Variants in LZTFL1 observed in about 807,000 individuals in gnomAD.
The protein encoded by LZTFL1 is leucine zipper transcription factor-like protein 1.
Under a neutral mutation model 45.9 loss-of-function variants are expected in LZTFL1, and 25 were observed. The ratio of observed to expected loss-of-function variants is 0.54; its 90% CI spans 0.40 to 0.76. LZTFL1 has a LOEUF of 0.76. Ranked by LOEUF, LZTFL1 falls within the 30% of genes least tolerant of loss-of-function variation. The pLI is 0.00. For synonymous variants in LZTFL1, 93 were observed against 117.4 expected (o/e 0.79, Z 1.35); for missense variants, 277 against 331.1 (o/e 0.84, Z 1.27).
chr3:45,898,184 C>G (rs914221491), intron 2 of LZTFL1, among the ~76,000 whole-genome samples: 6 of 152,144 alleles, frequency 3.9e-5, no homozygotes, highest in Non-Finnish European at 8.8e-5. Context: ...TCTCCATGCT[C>G]TTCACAGTCT....
At chr3:45,912,678 A>C (rs915631968) in intron 2 of LZTFL1, among the ~76,000 whole-genome samples, 5 of 152,318 alleles carry the variant, frequency 3.3e-5, no homozygotes, top group Middle Eastern at 3.4e-3. Flanking sequence ...TGTAGGAGTC[A>C]ACCCCAGCCA....
In LZTFL1 at chr3:45,866,715, A is replaced by G. The variant is rs1046210403; in HGVS notation, c.-214-7699T>C. On this transcript the variant is annotated intron_variant, in intron 2 of 4. Coordinates refer to the LZTFL1 transcript ENST00000472635. ...AGACTTGGGTTGTTTAGAGTCTTTC[A>G]ATATAACCAATAGTGCTGTAATATT... Among the ~76,000 whole-genome samples, 14 of 152,350 alleles carry G rather than the reference A, an allele frequency of 9.2e-5. No homozygotes were observed. The East Asian group carries it at 2.3e-3, about 25-fold the overall frequency.
intron 4 of LZTFL1, among the ~76,000 whole-genome samples, chr3:45,849,908 G>T (rs1299284124): frequency 1.3e-5 from 2 of 152,134 alleles, no homozygotes; most frequent in South Asian, 2.1e-4. Flanking sequence ...GAAAAAATTT[G>T]CATTTTAAGA....
chr3:45,833,105 G>A lies in LZTFL1; in HGVS notation c.401C>T (p.Thr134Ile), dbSNP rs1177169861. The change falls in exon 5 of 10, where the codon ACA becomes ATA. Residue 134 changes from threonine to isoleucine, a missense_variant. Transcript: ENST00000296135. ...SSNKKPILDV[T>I]KPKLAPLNEG... ...ATTAAGTGGAGCAAGTTTTGGCTTT[G>A]TGACATCTAAGATGGGCTGAAACAA... is the stretch of plus-strand genomic sequence containing the variant. 2.2e-5 allele frequency: 35 copies of A among 1,613,142 alleles called. No individual in the cohort carries two copies. The highest frequency in any genetic ancestry group is 2.9e-5 in the Non-Finnish European group (34 of 1,179,294).
At chr3:45,855,195 A>C (rs1268990057) in intron 3 of LZTFL1, 6 of 589,026 alleles carry the variant, frequency 1.0e-5, no homozygotes. Context: ...CCAGCAGCAC[A>C]TCAAAAAGCT....
chr3:45,858,132 G>T (rs1028635006), intron 3 of LZTFL1, among the ~76,000 whole-genome samples: 2 of 152,100 alleles, frequency 1.3e-5, no homozygotes, highest in African/African-American at 4.8e-5. Context: ...GGAAAATCCT[G>T]TCTATATCCA....
rs374799458 is a variant in LZTFL1, at chr3:45,889,159, AT to A, written c.-215+23960del. On this transcript the variant is annotated intron_variant, in intron 2 of 4. Coordinates refer to the LZTFL1 transcript ENST00000472635. ...GCAACCATGCCTGGCATATTTTTAA[AT>A]TTTTTGTAGAGATGGGGTCTTGCTC... is the stretch of plus-strand genomic sequence containing the variant. Among the ~76,000 whole-genome samples, 1,500 of 152,092 alleles carry A rather than the reference AT, an allele frequency of 9.9e-3. 25 individuals are homozygous for A. Among genetic ancestry groups the A allele is most frequent in the African/African-American group, 0.034 (1,394 of 41,484 alleles).
intron 7 of LZTFL1, 97 bp from the exon 8 acceptor site, chr3:45,828,712 G>A: frequency 2.7e-6 from 3 of 1,122,406 alleles, no homozygotes; most frequent in Non-Finnish European, 3.8e-6. Context: ...TGAAAAAAAT[G>A]ATGTATGTTT....
At chr3:45,889,575 G>T (rs1702085603) in intron 2 of LZTFL1, among the ~76,000 whole-genome samples, 1 of 151,878 alleles carries the variant, frequency 6.6e-6, no homozygotes, top group South Asian at 2.1e-4. Flanking sequence ...TAAATAGTTT[G>T]CAAAATCTAA....
At chr3:45,892,091 A>T (rs1292596451) in intron 2 of LZTFL1, among the ~76,000 whole-genome samples, 1 of 152,120 alleles carries the variant, frequency 6.6e-6, no homozygotes, top group African/African-American at 2.4e-5. Flanking sequence ...AGATTCCAAG[A>T]TCAGGGCACT....
At chr3:45,908,395 G>T (rs1404810924) in intron 2 of LZTFL1, among the ~76,000 whole-genome samples, 1 of 152,232 alleles carries the variant, frequency 6.6e-6, no homozygotes, top group East Asian at 1.9e-4. Flanking sequence ...TACATGCTAA[G>T]CACTGGGCAA....
At chr3:45,830,799 G>C (rs1468598681) in intron 7 of LZTFL1, 114 bp downstream of exon 7, 5 of 861,378 alleles carry the variant, frequency 5.8e-6, no homozygotes, top group Non-Finnish European at 9.2e-6. Flanking sequence ...AGAGGCATTT[G>C]TCTCAGGGAG....
At chr3:45,857,385 G>C (rs896092492) in intron 3 of LZTFL1, among the ~76,000 whole-genome samples, 29 of 152,222 alleles carry the variant, frequency 1.9e-4, no homozygotes, top group African/African-American at 6.7e-4. Context: ...TTGGGGGCAG[G>C]GAGAGCATCA....
At chr3:45,914,386 G>A (rs1702857476) in intron 1 of LZTFL1, among the ~76,000 whole-genome samples, 2 of 151,836 alleles carry the variant, frequency 1.3e-5, no homozygotes, top group African/African-American at 4.8e-5. Flanking sequence ...AGGCTTAAGG[G>A]ATTCTGCCAC....
At chr3:45,876,197 C>G (rs1701747072) in intron 2 of LZTFL1, among the ~76,000 whole-genome samples, 1 of 152,094 alleles carries the variant, frequency 6.6e-6, no homozygotes, top group Non-Finnish European at 1.5e-5. Context: ...CGCTCAGGGA[C>G]ATAGGACAGC....
At chr3:45,855,989 A>G (rs939042316) in intron 3 of LZTFL1, among the ~76,000 whole-genome samples, 23 of 152,258 alleles carry the variant, frequency 1.5e-4, no homozygotes, top group African/African-American at 5.1e-4. Context: ...AGTAATTTAT[A>G]GATTCAATGC....
At chr3:45,880,269 C>T (rs1488262957) in intron 2 of LZTFL1, among the ~76,000 whole-genome samples, 2 of 152,088 alleles carry the variant, frequency 1.3e-5, no homozygotes, top group African/African-American at 4.8e-5. Context: ...TTTGGGAGGC[C>T]GAGGTAGGCG....
intron 2 of LZTFL1, among the ~76,000 whole-genome samples, chr3:45,888,342 G>A (rs1702046939): frequency 6.6e-6 from 1 of 152,032 alleles, no homozygotes; most frequent in South Asian, 2.1e-4. Flanking sequence ...AAGCCCTCCT[G>A]GATTCTCCCC....
chr3:45,838,520 C>T (rs1014653690), intron 1 of LZTFL1, among the ~76,000 whole-genome samples: 1 of 152,224 alleles, frequency 6.6e-6, no homozygotes, highest in African/African-American at 2.4e-5. Context: ...CTGTATTCTT[C>T]AAGCCACTTA....
Sources: gnomAD v4.1 joint callset for allele counts (sites outside exome capture counted in the v4.1 genomes callset) on GRCh38, gnomAD v4.1.1 for gene constraint, MANE v1.5 for transcripts, NCBI Gene and HGNC (gene_info 2026-07-23, HGNC 2026-07-21) for gene names.